The following HS3ST4 variants were observed in gnomAD, a reference collection of about 807,000 sequenced individuals.
The protein encoded by HS3ST4 is heparan sulfate-glucosamine 3-sulfotransferase 4, also known as heparan sulfate glucosamine 3-O-sulfotransferase 4.
In HS3ST4, 17 loss-of-function variants were observed where a neutral mutation model predicts 29.2. The observed-to-expected ratio is 0.58, with a 90% CI of 0.40 to 0.87. The LOEUF (loss-of-function observed/expected upper bound fraction) is 0.87, where lower values mean the gene tolerates loss of function less well. Ranked by LOEUF, HS3ST4 falls within the 40% of genes least tolerant of loss-of-function variation. HS3ST4 has a pLI of 0.00. For synonymous variants in HS3ST4, 314 were observed against 285.7 expected, an observed-to-expected ratio of 1.10 and a Z score of -1.00; for missense variants, 627 against 634.5, an observed-to-expected ratio of 0.99 and a Z score of 0.13.
rs1898284183 is a variant in HS3ST4 at position 26,136,354 on chromosome 16, A to T, written c.*106A>T. On this transcript the variant is annotated 3_prime_UTR_variant, in exon 2 of 2. Coordinates refer to ENST00000331351, the MANE Select transcript of HS3ST4 (RefSeq NM_006040.3). ...CTTCACTTGCTGGAGTGCCAAGTAG[A>T]TCTCCTCCTCCTTCATGCAGCCAGG... is the stretch of plus-strand genomic sequence containing the variant. The T allele has an allele frequency of 3.8e-6, 4 of 1,065,382 alleles. No homozygotes were observed. Among genetic ancestry groups the T allele is most frequent in the Admixed American group, 2.7e-5 (1 of 37,044 alleles). 66.0% of individuals were successfully genotyped at this position (1,065,382 alleles called of 1,614,324 possible). A position where few individuals can be genotyped will look rare whatever the true frequency, so the allele number is the denominator to read the frequency against.
intron 1 of HS3ST4, among the ~76,000 whole-genome samples, chr16:25,748,915 T>G (rs1395855687): frequency 1.3e-5 from 2 of 152,182 alleles, no homozygotes; most frequent in Admixed American, 1.3e-4. Context: ...TTGAAATCTT[T>G]TTTGGCATGT....
intron 1 of HS3ST4, among the ~76,000 whole-genome samples, chr16:25,953,454 T>G (rs1318363047): frequency 6.6e-6 from 1 of 152,198 alleles, no homozygotes; most frequent in African/African-American, 2.4e-5. Flanking sequence ...CTACATCTTC[T>G]AGCATCCTTT....
At chr16:25,712,741 T>G (rs1966425104) in intron 1 of HS3ST4, among the ~76,000 whole-genome samples, 1 of 151,770 alleles carries the variant, frequency 6.6e-6, no homozygotes, top group Non-Finnish European at 1.5e-5. Flanking sequence ...ACAGAGAAAA[T>G]GTAAAATTCT....
At chr16:25,776,724 T>TC (rs1966847821) in intron 1 of HS3ST4, among the ~76,000 whole-genome samples, 1 of 152,202 alleles carries the variant, frequency 6.6e-6, no homozygotes, top group African/African-American at 2.4e-5. Context: ...CTCAACACAT[T>TC]CCCTTTTATC....
intron 1 of HS3ST4, among the ~76,000 whole-genome samples, chr16:25,745,860 T>C (rs948730048): frequency 6.6e-6 from 1 of 152,226 alleles, no homozygotes; most frequent in Non-Finnish European, 1.5e-5. Context: ...ATTTTTTCAC[T>C]TGGATTTGAT....
At chr16:25,739,477 T>C (rs1335634631) in intron 1 of HS3ST4, among the ~76,000 whole-genome samples, 4 of 152,220 alleles carry the variant, frequency 2.6e-5, no homozygotes, top group Non-Finnish European at 5.9e-5. Context: ...CTACTTTTGC[T>C]GTCTCCTTTT....
intron 1 of HS3ST4, among the ~76,000 whole-genome samples, chr16:26,116,857 G>A (rs992569876): frequency 3.3e-5 from 5 of 152,126 alleles, no homozygotes; most frequent in African/African-American, 1.2e-4. Context: ...ATGTTCAAAG[G>A]AAATGCTCAT....
At chr16:26,004,940 G>T (rs1477187937) in intron 1 of HS3ST4, among the ~76,000 whole-genome samples, 4 of 152,140 alleles carry the variant, frequency 2.6e-5, no homozygotes, top group Non-Finnish European at 5.9e-5. Context: ...AATGTTCAGA[G>T]TTAACCCATT....
At chr16:25,992,048 A>C (rs1178250328) in intron 1 of HS3ST4, among the ~76,000 whole-genome samples, 1 of 152,108 alleles carries the variant, frequency 6.6e-6, no homozygotes, top group Non-Finnish European at 1.5e-5. Context: ...CAAACAAAAC[A>C]AAAAGAAGAA....
chr16:25,909,457 G>A (rs1486753455), intron 1 of HS3ST4, among the ~76,000 whole-genome samples: 3 of 152,130 alleles, frequency 2.0e-5, no homozygotes, highest in South Asian at 2.1e-4. Flanking sequence ...GATGATAGGC[G>A]TGATCCACCA....
chr16:26,064,458 A>G (rs933127379), intron 1 of HS3ST4, among the ~76,000 whole-genome samples: 65 of 152,124 alleles, frequency 4.3e-4, no homozygotes, highest in South Asian at 4.1e-4. Flanking sequence ...CGCAGATGTC[A>G]TGGAGGATTT....
intron 1 of HS3ST4, among the ~76,000 whole-genome samples, chr16:25,941,759 G>T (rs1366895571): frequency 6.6e-6 from 1 of 151,914 alleles, no homozygotes; most frequent in Non-Finnish European, 1.5e-5. Context: ...TGTATTTTTA[G>T]CAGAGATGGC....
intron 1 of HS3ST4, among the ~76,000 whole-genome samples, chr16:26,005,700 GATA>G (rs965929261): frequency 2.0e-5 from 3 of 149,478 alleles, no homozygotes; most frequent in African/African-American, 7.4e-5. Context: ...GCCACGAGGG[GATA>G]ATAAGATCTA....
At chr16:25,831,822 T>C (rs145603487) in intron 1 of HS3ST4, among the ~76,000 whole-genome samples, 2 of 152,014 alleles carry the variant, frequency 1.3e-5, no homozygotes, top group African/African-American at 4.8e-5. Context: ...TATAATCACA[T>C]AGGCTGGGCA....
chr16:25,761,915 G>A (rs2141606669), intron 1 of HS3ST4, among the ~76,000 whole-genome samples: 1 of 152,308 alleles, frequency 6.6e-6, no homozygotes, highest in South Asian at 2.1e-4. Context: ...GTTTTGGAGA[G>A]GTTGAGTGAC....
At chr16:25,748,799 G>T (rs889861593) in intron 1 of HS3ST4, among the ~76,000 whole-genome samples, 1 of 152,150 alleles carries the variant, frequency 6.6e-6, no homozygotes, top group African/African-American at 2.4e-5. Context: ...TAGATTGGTA[G>T]GAATGAATAA....
chr16:26,089,653 A>AGAGTTTTG (rs1434476552), intron 1 of HS3ST4, among the ~76,000 whole-genome samples: 2 of 152,238 alleles, frequency 1.3e-5, no homozygotes, highest in African/African-American at 4.8e-5. Context: ...AGGAAAAGCC[A>AGAGTTTTG]GAGTTTTGTT....
At chr16:25,931,854 T>C (rs1324921951) in intron 1 of HS3ST4, among the ~76,000 whole-genome samples, 5 of 152,186 alleles carry the variant, frequency 3.3e-5, no homozygotes, top group African/African-American at 1.2e-4. Context: ...CTGCTATTCC[T>C]TCAAGTCTTC....
At chr16:26,067,258 C>T (rs1040653751) in intron 1 of HS3ST4, among the ~76,000 whole-genome samples, 1 of 152,204 alleles carries the variant, frequency 6.6e-6, no homozygotes, top group African/African-American at 2.4e-5. Context: ...AACAAAATAG[C>T]TGCTTCCAAC....
Sources: gnomAD v4.1 joint callset for allele counts (sites outside exome capture counted in the v4.1 genomes callset) on GRCh38, gnomAD v4.1.1 for gene constraint, MANE v1.5 for transcripts, NCBI Gene and HGNC (gene_info 2026-07-23, HGNC 2026-07-21) for gene names.